Variants in FNBP1 observed in about 807,000 individuals in gnomAD.
FNBP1 encodes the protein formin binding protein 1.
A neutral mutation model predicts 90.6 loss-of-function variants in FNBP1; 26 were observed. The ratio of observed to expected loss-of-function variants is 0.29; its 90% CI spans 0.21 to 0.40. The LOEUF is 0.40. Among genes scored for constraint, FNBP1 ranks in the 10% least tolerant of loss-of-function variants. The pLI is 1.00. For synonymous variants in FNBP1, 260 were observed against 265.2 expected, an observed-to-expected ratio of 0.98 and a Z score of 0.19; for missense variants, 635 against 768.0, an observed-to-expected ratio of 0.83 and a Z score of 2.05.
chr9:129,915,250 C>T (rs532770202), intron 11 of FNBP1, among the ~76,000 whole-genome samples: 13 of 152,226 alleles, frequency 8.5e-5, no homozygotes, highest in Non-Finnish European at 1.6e-4. Flanking sequence ...CTCCTCCAGG[C>T]TCCCAGATTT....
chr9:130,044,628 C>G (rs979073296), upstream of FNBP1: 2 of 151,326 alleles, frequency 1.3e-5, no homozygotes, highest in Non-Finnish European at 2.9e-5. Context: ...GACCCTGTCT[C>G]AAAAATATTA....
At chr9:129,947,397 G>C (rs1353302774) in intron 6 of FNBP1, among the ~76,000 whole-genome samples, 1 of 146,000 alleles carries the variant, frequency 6.8e-6, no homozygotes, top group Non-Finnish European at 1.5e-5. Context: ...CAGAGATCGC[G>C]CCATTGCACT....
chr9:129,963,616 CTTTTTT>C (rs35213636), intron 4 of FNBP1, among the ~76,000 whole-genome samples: 3 of 115,306 alleles, frequency 2.6e-5, no homozygotes, highest in African/African-American at 9.9e-5. Flanking sequence ...TCCTTCCAGC[CTTTTTT>C]TTTTTTTTTT....
At chr9:130,040,620 G>A (rs1339749342) in intron 1 of FNBP1, among the ~76,000 whole-genome samples, 5 of 55,524 alleles carry the variant, frequency 9.0e-5, no homozygotes, top group Admixed American at 2.4e-4. Flanking sequence ...GCAAGACTCC[G>A]TCTCAGAAAA....
At chr9:130,000,215 G>A (rs1291976377) in intron 1 of FNBP1, among the ~76,000 whole-genome samples, 1 of 152,186 alleles carries the variant, frequency 6.6e-6, no homozygotes, top group Non-Finnish European at 1.5e-5. Context: ...TCTCAGCCGG[G>A]CATGGTGGCC....
In FNBP1 at chr9:130,042,537, G is replaced by T. The variant is rs2059922304; in HGVS notation, c.24+415C>A. On this transcript the variant is annotated intron_variant, in intron 1 of 16. Transcript: ENST00000446176. This position sits in a 1 kb window ranked among gnomAD's most constrained non-coding sequence, Gnocchi z 5.5. ...CCGCGGAGCCAGGACAGAACTCGCG[G>T]CCGGGGCGCCCCGAGACCCAACGCA... Among the ~76,000 whole-genome samples, 1 of 151,772 alleles carries T rather than the reference G, an allele frequency of 6.6e-6. No homozygotes were observed. The highest frequency in any genetic ancestry group is 2.4e-5 in the African/African-American group (1 of 41,368).
At chr9:130,023,819 A>T (rs555033359) in intron 1 of FNBP1, among the ~76,000 whole-genome samples, 1 of 151,728 alleles carries the variant, frequency 6.6e-6, no homozygotes, top group South Asian at 2.1e-4. Flanking sequence ...TCTTCCATCC[A>T]CGTGAGTGTA....
At chr9:129,907,680 G>C (rs2038398022) in intron 12 of FNBP1, among the ~76,000 whole-genome samples, 1 of 151,834 alleles carries the variant, frequency 6.6e-6, no homozygotes. Flanking sequence ...TCCCCTCACA[G>C]AGGCCCTCCT....
chr9:130,010,720 G>C (rs957821569), intron 1 of FNBP1, among the ~76,000 whole-genome samples: 2 of 150,808 alleles, frequency 1.3e-5, no homozygotes, highest in African/African-American at 4.9e-5. Flanking sequence ...TGTCATGTGA[G>C]ATAGAAAATG....
At chr9:129,938,085 C>A (rs932262483) in intron 6 of FNBP1, among the ~76,000 whole-genome samples, 3 of 152,066 alleles carry the variant, frequency 2.0e-5, no homozygotes, top group Admixed American at 2.0e-4. Context: ...ATCACTTGAA[C>A]CTGGGAGGCA....
At chr9:129,968,692 C>T (rs775037123) in intron 4 of FNBP1, among the ~76,000 whole-genome samples, 32 of 152,080 alleles carry the variant, frequency 2.1e-4, no homozygotes, top group Non-Finnish European at 3.8e-4. Flanking sequence ...AGAAACCTCG[C>T]GAGTAGTTTT....
chr9:130,009,337 T>C (rs565860322), intron 1 of FNBP1, among the ~76,000 whole-genome samples: 2 of 152,240 alleles, frequency 1.3e-5, no homozygotes, highest in South Asian at 4.1e-4. Context: ...AAAAACTCTA[T>C]GGGAATAGGT....
intron 13 of FNBP1, among the ~76,000 whole-genome samples, chr9:129,901,353 A>G (rs2036902157): frequency 6.6e-6 from 1 of 151,900 alleles, no homozygotes; most frequent in Admixed American, 6.6e-5. Flanking sequence ...CCTGGCCAAC[A>G]TGGTGAAACT....
intron 6 of FNBP1, among the ~76,000 whole-genome samples, chr9:129,938,539 C>T (rs1390870887): frequency 1.5e-5 from 2 of 136,344 alleles, no homozygotes; most frequent in African/African-American, 5.8e-5. Context: ...AATTTCCTGA[C>T]TCTTTTTTTT....
intron 1 of FNBP1, among the ~76,000 whole-genome samples, chr9:129,998,010 T>C (rs539643869): frequency 4.1e-5 from 6 of 147,170 alleles, no homozygotes; most frequent in African/African-American, 1.3e-4. Flanking sequence ...AACACAGTCA[T>C]CTTTACTAAA....
At position 129,900,518 on chromosome 9, in the gene FNBP1, G is replaced by T. The variant is rs2131325236; in HGVS notation, c.1458C>A (p.Leu486=). 4 of 1,586,348 alleles carry T rather than the reference G, an allele frequency of 2.5e-6. No homozygotes were observed. The South Asian group carries it at 4.6e-5, about 18-fold the overall frequency. Reference sequence around the variant, plus strand: ...GGCGCGCCTGCTCGCTGCGTGCTGGGAGCCGGCCTTCAACCTCAGCCAGCC... The same window carrying T: ...GGCGCGCCTGCTCGCTGCGTGCTGGTAGCCGGCCTTCAACCTCAGCCAGCC... ...EAWLAEVEGR[L]PARSEQARRQ... is the part of the protein sequence containing the mutation. Residue 486 remains leucine, a synonymous_variant, in exon 14 of 17, where the codon CTC becomes CTA. Transcript: ENST00000446176. The surrounding 1 kb of genome is among the most constrained non-coding windows in gnomAD (Gnocchi z 4.1).
chr9:129,978,749 C>T (rs2050734931), intron 3 of FNBP1, 137 bp from the exon 4 acceptor site: 2 of 801,116 alleles, frequency 2.5e-6, no homozygotes, highest in African/African-American at 3.5e-5. Context: ...ATTCATTACA[C>T]ATCAAGTGTT....
intron 2 of FNBP1, among the ~76,000 whole-genome samples, chr9:129,990,975 C>G (rs2053052449): frequency 1.3e-5 from 2 of 148,900 alleles, no homozygotes; most frequent in Non-Finnish European, 3.0e-5. Flanking sequence ...GCTCTGTCAC[C>G]CAGGCTGGAG....
At chr9:129,998,493 A>G (rs1246736496) in intron 1 of FNBP1, among the ~76,000 whole-genome samples, 1 of 151,926 alleles carries the variant, frequency 6.6e-6, no homozygotes, top group Non-Finnish European at 1.5e-5. Flanking sequence ...CAGCCTGGTC[A>G]AAACGAGCAA....
Sources: allele counts gnomAD v4.1 joint callset (sites outside exome capture counted in the v4.1 genomes callset), GRCh38; gene constraint gnomAD v4.1.1; non-coding constraint Gnocchi (gnomAD v3.1); transcripts MANE v1.5; gene names NCBI Gene and HGNC (gene_info 2026-07-23, HGNC 2026-07-21).